XRCC6: variants seen among roughly 807,000 people sequenced by gnomAD.
XRCC6 encodes DNA repair protein Ku70.
A neutral mutation model predicts 65.7 loss-of-function variants in XRCC6; 5 were observed. The ratio of observed to expected loss-of-function variants is 0.08; its 90% CI spans 0.04 to 0.16. The LOEUF (loss-of-function observed/expected upper bound fraction) is 0.16. Ranked by LOEUF, XRCC6 falls within the 10% of genes least tolerant of loss-of-function variation. The probability of loss-of-function intolerance (pLI) is 1.00; values close to 1 mark genes in which losing one functional copy is unlikely to be tolerated. For synonymous variants in XRCC6, 270 were observed against 270.6 expected, an observed-to-expected ratio of 1.00 and a Z score of 0.02; for missense variants, 447 against 738.1, an observed-to-expected ratio of 0.61 and a Z score of 4.57.
At chr22:41,644,735 C>T (rs964840881) in intron 6 of XRCC6, among the ~76,000 whole-genome samples, 22 of 152,018 alleles carry the variant, frequency 1.4e-4, no homozygotes, top group Admixed American at 1.3e-4. Flanking sequence ...GCAATCCGCC[C>T]GCCTCAGCCT....
At chr22:41,627,334 G>C (rs1457831798) in intron 2 of XRCC6, among the ~76,000 whole-genome samples, 3 of 152,066 alleles carry the variant, frequency 2.0e-5, no homozygotes, top group Non-Finnish European at 4.4e-5. Context: ...GGCGGGGTGG[G>C]GTGCGGTGGC....
In XRCC6 at chr22:41,636,762, G is replaced by C; in HGVS notation, c.581G>C (p.Arg194Pro). Residue 194 changes from arginine to proline, a missense_variant, in exon 5 of 13, where the codon CGA (arginine) becomes CCA (proline). This residue lies in a region of XRCC6 where 228 missense variants were observed against 307.4 expected (regional missense o/e 0.74). Transcript: ENST00000360079. ...SRARTKAGDL[R>P]DTGIFLDLMH... ...GCCAGGACCAAAGCCGGTGATCTCC[G>C]AGATACAGGTGGGCATATTTCCCCG... The C allele has an allele frequency of 2.5e-6, 4 of 1,614,018 alleles. No individual in the cohort carries two copies. The highest frequency in any genetic ancestry group is 3.4e-6 in the Non-Finnish European group (4 of 1,179,998).
At chr22:41,632,588 G>A (rs2067767194) in intron 3 of XRCC6, among the ~76,000 whole-genome samples, 1 of 152,006 alleles carries the variant, frequency 6.6e-6, no homozygotes, top group Non-Finnish European at 1.5e-5. Flanking sequence ...TCCATCCTGG[G>A]TGACAGAGAG....
chr22:41,636,829 A>AT (rs938075812), intron 5 of XRCC6, 59 bp downstream of exon 5: 142 of 1,561,086 alleles, frequency 9.1e-5, no homozygotes, highest in Middle Eastern at 1.8e-4. Context: ...TTTATTTTTT[A>AT]TTTTTTTAGG....
In XRCC6 at chr22:41,650,902, T is replaced by C; in HGVS notation, c.1129+11T>C. 1 of 1,613,912 alleles carries C rather than the reference T, an allele frequency of 6.2e-7. No homozygotes were observed. On this transcript the variant is annotated intron_variant, in intron 8 of 12. Coordinates refer to ENST00000360079, the MANE Select transcript of XRCC6 (RefSeq NM_001469.5). ...AGTCGCTGGTGATTGGTAAGTAGCG[T>C]GGACCATGGATGAGTGACTCTAACA... is the stretch of plus-strand genomic sequence containing the variant.
At chr22:41,658,183 G>T (rs1439092465) in intron 10 of XRCC6, 69 bp from the exon 11 acceptor site, 5 of 1,517,330 alleles carry the variant, frequency 3.3e-6, no homozygotes, top group Non-Finnish European at 4.6e-6. Context: ...TATCTCAGGT[G>T]GTTTTATTCT....
At chr22:41,625,497 G>A (rs972403825) in intron 2 of XRCC6, among the ~76,000 whole-genome samples, 19 of 152,312 alleles carry the variant, frequency 1.2e-4, no homozygotes, top group African/African-American at 2.6e-4. Flanking sequence ...GGGCATAGTG[G>A]CACATGCCCG....
chr22:41,660,753 C>G (rs547153622), intron 11 of XRCC6, among the ~76,000 whole-genome samples: 1 of 152,172 alleles, frequency 6.6e-6, no homozygotes, highest in Non-Finnish European at 1.5e-5. Flanking sequence ...TTGCCCAACT[C>G]CACTGCATCG....
intron 3 of XRCC6, among the ~76,000 whole-genome samples, chr22:41,633,103 G>A (rs572644155): frequency 2.4e-4 from 36 of 152,064 alleles, no homozygotes; most frequent in Admixed American, 2.2e-3. Context: ...GTCCAGCCTG[G>A]GCAATAGAGC....
Position 41,647,023 on chromosome 22 carries a change from C to T in XRCC6, c.901C>T (p.Arg301Trp), listed in dbSNP as rs773323415. 3 of 1,614,144 alleles carry T rather than the reference C, an allele frequency of 1.9e-6. No homozygotes were observed. Among genetic ancestry groups the T allele is most frequent in the South Asian group, 1.1e-5 (1 of 91,078 alleles). ...AAATGAACCAGTGAAAACCAAGACC[C>T]GGACCTTTAATACAAGTACAGGCGG... ...ETNEPVKTKT[R>W]TFNTSTGGLL... is the part of the protein sequence containing the mutation. The change falls in exon 7 of 13, where the codon CGG (arginine) becomes TGG (tryptophan). Residue 301 changes from arginine (R) to tryptophan (W), a missense_variant. Arg to Trp is a moderately radical substitution (Grantham distance 101). Coordinates refer to ENST00000360079, the MANE Select transcript of XRCC6 (RefSeq NM_001469.5).
Position 41,649,139 on chromosome 22 carries a change from A to AATATATAT in XRCC6, c.961-1567_961-1560dup, listed in dbSNP as rs1555906700. ...GGGAAGAGAGTACAAAAAAAAAAAA[A>AATATATAT]ATATATATATATATATATATATATG... On this transcript the variant is annotated intron_variant, in intron 7 of 12. Transcript: ENST00000360079. Among the ~76,000 whole-genome samples, 719 of 88,654 alleles carry AATATATAT rather than the reference A, an allele frequency of 8.1e-3. 10 individuals are homozygous for AATATATAT. The highest frequency in any genetic ancestry group is 0.011 in the Non-Finnish European group (542 of 48,228). The allele number at this position is 88,654 out of a possible 152,430, so 58.2% of individuals were successfully genotyped here.
intron 12 of XRCC6, among the ~76,000 whole-genome samples, chr22:41,662,481 T>TA (rs1003503132): frequency 6.6e-6 from 1 of 152,232 alleles, no homozygotes; most frequent in African/African-American, 2.4e-5. Flanking sequence ...CTATTTTTGT[T>TA]ACTCAGCTAT....
At chr22:41,659,296 C>G (rs1340792202) in intron 11 of XRCC6, among the ~76,000 whole-genome samples, 1 of 152,132 alleles carries the variant, frequency 6.6e-6, no homozygotes, top group Non-Finnish European at 1.5e-5. Context: ...CCTTTCAGGC[C>G]TTAGGCAAAT....
intron 3 of XRCC6, among the ~76,000 whole-genome samples, chr22:41,630,752 A>C (rs1374208887): frequency 6.6e-5 from 10 of 152,266 alleles, no homozygotes; most frequent in Admixed American, 3.9e-4. Context: ...GACACAGCAC[A>C]TGTTTCAGAG....
chr22:41,626,190 T>A (rs1436918492), intron 2 of XRCC6, among the ~76,000 whole-genome samples: 4 of 151,796 alleles, frequency 2.6e-5, no homozygotes, highest in Admixed American at 6.6e-5. Flanking sequence ...TCACGCAGGC[T>A]GGAGTGCAGT....
At chr22:41,629,292 T>C (rs2067714162) in intron 3 of XRCC6, among the ~76,000 whole-genome samples, 3 of 152,198 alleles carry the variant, frequency 2.0e-5, no homozygotes, top group African/African-American at 7.2e-5. Flanking sequence ...CACAATGTTA[T>C]GCAGCCACCA....
intron 6 of XRCC6, among the ~76,000 whole-genome samples, chr22:41,643,961 G>A (rs1438018619): frequency 6.8e-6 from 1 of 146,318 alleles, no homozygotes; most frequent in Non-Finnish European, 1.5e-5. Flanking sequence ...CTCCACCCTA[G>A]GCGACAGAGT....
chr22:41,627,609 C>CAAAAAAA (rs71184821), intron 2 of XRCC6, among the ~76,000 whole-genome samples: 20 of 97,474 alleles, frequency 2.1e-4, no homozygotes, highest in Admixed American at 2.0e-3. Context: ...GACTCCGTCT[C>CAAAAAAA]AAAAAAAAAA....
At chr22:41,660,232 A>T (rs917808468) in intron 11 of XRCC6, among the ~76,000 whole-genome samples, 1 of 152,154 alleles carries the variant, frequency 6.6e-6, no homozygotes, top group Non-Finnish European at 1.5e-5. Flanking sequence ...TTGATTTAAC[A>T]ATATAGTTGT....
Sources: gnomAD v4.1 joint callset for allele counts (sites outside exome capture counted in the v4.1 genomes callset) on GRCh38, gnomAD v4.1.1 for gene constraint, gnomAD v4.1.1 regional missense constraint, MANE v1.5 for transcripts, NCBI Gene and HGNC (gene_info 2026-07-23, HGNC 2026-07-21) for gene names.